JADE1: variants seen among roughly 807,000 people sequenced by gnomAD.
JADE1 encodes jade family PHD finger 1, also known as protein Jade-1.
Under a neutral mutation model 81.8 loss-of-function variants are expected in JADE1, and 14 were observed. The ratio of observed to expected loss-of-function variants is 0.17; its 90% CI spans 0.11 to 0.27. The LOEUF is 0.27. Ranked by LOEUF, JADE1 falls within the 10% of genes least tolerant of loss-of-function variation. The probability of loss-of-function intolerance (pLI) is 1.00; values close to 1 mark genes in which losing one functional copy is unlikely to be tolerated. For missense variants in JADE1, 690 were observed against 1,047.9 expected (o/e 0.66, Z 4.71); for synonymous variants, 353 against 391.9 (o/e 0.90, Z 1.17).
At chr4:128,824,122 TAAACAG>T (rs1378958589) in intron 1 of JADE1, among the ~76,000 whole-genome samples, 2 of 152,142 alleles carry the variant, frequency 1.3e-5, no homozygotes, top group Non-Finnish European at 2.9e-5. Context: ...TATGTGAACT[TAAACAG>T]AAAGGAGTGG....
At chr4:128,837,555 G>A (rs17013775) in intron 2 of JADE1, among the ~76,000 whole-genome samples, 5,745 of 152,238 alleles carry the variant, frequency 0.038, 305 homozygotes, top group African/African-American at 0.12. Flanking sequence ...CTTGTCTTCT[G>A]TCATGCCGCT....
At chr4:128,838,105 G>A (rs1729129066) in intron 2 of JADE1, among the ~76,000 whole-genome samples, 1 of 152,144 alleles carries the variant, frequency 6.6e-6, no homozygotes, top group Non-Finnish European at 1.5e-5. Flanking sequence ...TGTATAATAG[G>A]ACCTGAAGGA....
chr4:128,824,812 G>A (rs181186584), intron 1 of JADE1, among the ~76,000 whole-genome samples: 1 of 152,254 alleles, frequency 6.6e-6, no homozygotes, highest in African/African-American at 2.4e-5. Flanking sequence ...AGATAAAACT[G>A]ATACTTTGAG....
intron 10 of JADE1, 25 bp downstream of exon 10, chr4:128,867,998 A>G (rs760484704): frequency 1.3e-5 from 17 of 1,296,172 alleles, no homozygotes; most frequent in Non-Finnish European, 1.8e-5. Flanking sequence ...CTGGTAGGTC[A>G]AAGTATAGGG....
intron 1 of JADE1, among the ~76,000 whole-genome samples, chr4:128,815,775 T>TA (rs753046093): frequency 2.4e-4 from 37 of 152,182 alleles, no homozygotes; most frequent in Non-Finnish European, 4.4e-4. Flanking sequence ...GGGCACCTGT[T>TA]ACAGCATTAC....
chr4:128,862,205 C>T lies in JADE1; in HGVS notation c.1483C>T (p.Leu495=). ...TAGGAGGCTGCAGCTGTTCACGCAC[C>T]TGCGGCAGGACCTGGAGAGGGTAAT... The part of the protein sequence containing the change: ...LFRRLQLFTH[L]RQDLERVRNL... The change falls in exon 9 of 11, where the codon CTG becomes TTG. Residue 495 remains leucine, a synonymous_variant. Coordinates refer to ENST00000226319, the MANE Select transcript of JADE1 (RefSeq NM_199320.4). 6.2e-7 allele frequency: 1 copy of T among 1,614,154 alleles called. No homozygotes were observed. The highest frequency in any genetic ancestry group is 8.5e-7 in the Non-Finnish European group (1 of 1,180,012).
chr4:128,817,022 C>G (rs1727101877), intron 1 of JADE1, among the ~76,000 whole-genome samples: 1 of 151,742 alleles, frequency 6.6e-6, no homozygotes, highest in African/African-American at 2.4e-5. Flanking sequence ...CCGTGTCTGT[C>G]TAATTTTTGT....
intron 1 of JADE1, among the ~76,000 whole-genome samples, chr4:128,816,777 G>C (rs1309392836): frequency 6.6e-6 from 1 of 152,202 alleles, no homozygotes; most frequent in African/African-American, 2.4e-5. Context: ...TCTTCAGGTA[G>C]AGGTAGGACA....
At chr4:128,814,415 A>G (rs976997088) in intron 1 of JADE1, among the ~76,000 whole-genome samples, 4 of 152,196 alleles carry the variant, frequency 2.6e-5, no homozygotes, top group African/African-American at 9.7e-5. Flanking sequence ...TACGTTTTTG[A>G]AAATTAGAAA....
intron 1 of JADE1, chr4:128,811,758 C>T (rs1726414891): frequency 1.3e-5 from 2 of 149,828 alleles, no homozygotes; most frequent in Non-Finnish European, 3.0e-5. Context: ...ACGCGGTCCC[C>T]GCGCCGGTTC....
intron 1 of JADE1, among the ~76,000 whole-genome samples, chr4:128,813,407 C>CTTTTTTT (rs72296886): frequency 1.6e-4 from 18 of 115,562 alleles, no homozygotes; most frequent in Non-Finnish European, 2.4e-4. Flanking sequence ...CTTACGGTCA[C>CTTTTTTT]TTTTTTTTTT....
At position 128,855,765 on chromosome 4, in the gene JADE1, G is replaced by A. The variant is rs778200091; in HGVS notation, c.832G>A (p.Val278Ile). The change falls in exon 7 of 11, where the codon GTC becomes ATC. Residue 278 changes from valine to isoleucine, a missense_variant. Val to Ile is a conservative substitution (Grantham distance 29, BLOSUM62 3). Transcript: ENST00000226319. ...GCCCACCCGTAGCGGAACCAAGTGGGTCCACGTTAGCTGTGCTCTGTGGAT... is the reference window on the plus strand; with the variant it reads ...GCCCACCCGTAGCGGAACCAAGTGGATCCACGTTAGCTGTGCTCTGTGGAT... ...MKPTRSGTKW[V>I]HVSCALWIPE... The A allele has an allele frequency of 3.1e-6, 5 of 1,613,678 alleles. No individual in the cohort carries two copies. The Admixed American group carries it at 6.7e-5, about 22-fold the overall frequency.
intron 5 of JADE1, 83 bp from the exon 6 acceptor site, chr4:128,851,974 A>C (rs1315367056): frequency 1.2e-6 from 1 of 814,480 alleles, no homozygotes; most frequent in Admixed American, 2.4e-5. Context: ...CATTATTTTT[A>C]AGTATAAATA....
At position 128,873,096 on chromosome 4, in the gene JADE1, T is replaced by C. The variant is rs572741534; in HGVS notation, c.*834T>C. On this transcript the variant is annotated 3_prime_UTR_variant, in exon 11 of 11. Coordinates refer to ENST00000226319, the MANE Select transcript of JADE1 (RefSeq NM_199320.4). ...AGCCAGCTTGGGATTTCCCTGGCCA[T>C]TGCCAATACCTGGCCATCTGGCTTC... is the stretch of plus-strand genomic sequence containing the variant. 6 of 330,260 alleles carry C rather than the reference T, an allele frequency of 1.8e-5. No homozygotes were observed. Among genetic ancestry groups the C allele is most frequent in the South Asian group, 1.2e-4 (5 of 43,306 alleles). The allele number at this position is 330,260 out of a possible 1,614,324, so 20.5% of individuals were successfully genotyped here. A position where few individuals can be genotyped will look rare whatever the true frequency, so the allele number is the denominator to read the frequency against.
intron 7 of JADE1, among the ~76,000 whole-genome samples, chr4:128,856,924 T>G (rs1457828663): frequency 6.6e-6 from 1 of 152,222 alleles, no homozygotes; most frequent in Admixed American, 6.5e-5. Context: ...TGGTTTTTTT[T>G]GGCGAGAGAT....
At chr4:128,852,374 G>A in intron 6 of JADE1, 106 bp downstream of exon 6, 1 of 848,282 alleles carries the variant, frequency 1.2e-6, no homozygotes. Flanking sequence ...TGGGGTCTGT[G>A]TTTCTACGAT....
chr4:128,840,543 C>G (rs1207493662), intron 2 of JADE1, among the ~76,000 whole-genome samples: 1 of 152,136 alleles, frequency 6.6e-6, no homozygotes, highest in South Asian at 2.1e-4. Flanking sequence ...TGTGCTTTTC[C>G]TCGTCTCTTC....
At chr4:128,865,159 G>A (rs149234261) in intron 9 of JADE1, among the ~76,000 whole-genome samples, 2 of 152,320 alleles carry the variant, frequency 1.3e-5, no homozygotes, top group Non-Finnish European at 2.9e-5. Context: ...TGGCTACAGT[G>A]TCCCCTGAAC....
rs1248046675 is a variant in JADE1, at chr4:128,872,029, C to T, written c.2296C>T (p.His766Tyr). The change falls in exon 11 of 11, where the codon CAC becomes TAC. Residue 766 changes from histidine to tyrosine, a missense_variant. Transcript: ENST00000226319. ...KGERQQQGEA[H>Y]DGACHQHSDY... ...GGAACGGCAGCAGCAGGGAGAGGCC[C>T]ACGATGGGGCCTGCCACCAGCACTC... 1 of 1,613,906 alleles carries T rather than the reference C, an allele frequency of 6.2e-7. No individual in the cohort carries two copies. The highest frequency in any genetic ancestry group is 1.7e-5 in the Admixed American group (1 of 60,010).
Sources: gnomAD v4.1 joint callset for allele counts (sites outside exome capture counted in the v4.1 genomes callset) on GRCh38, gnomAD v4.1.1 for gene constraint, MANE v1.5 for transcripts, NCBI Gene and HGNC (gene_info 2026-07-23, HGNC 2026-07-21) for gene names.